The following SFRP1 variants were observed in gnomAD, a reference collection of about 807,000 sequenced individuals.
The protein encoded by SFRP1 is secreted frizzled related protein 1.
In SFRP1, 9 loss-of-function variants were observed where a neutral mutation model predicts 25.9. That is an observed-to-expected ratio of 0.35 (90% CI 0.21 to 0.61). The LOEUF is 0.61. Among genes scored for constraint, SFRP1 ranks in the 20% least tolerant of loss-of-function variants. The pLI, the probability that SFRP1 is intolerant of heterozygous loss-of-function variation, is 0.78. For synonymous variants in SFRP1, 178 were observed against 174.0 expected (o/e 1.02, Z -0.18); for missense variants, 346 against 418.2 (o/e 0.83, Z 1.51).
intron 2 of SFRP1, among the ~76,000 whole-genome samples, chr8:41,294,267 C>A (rs1030279608): frequency 6.6e-6 from 1 of 152,142 alleles, no homozygotes; most frequent in African/African-American, 2.4e-5. Context: ...GTGCCACCGA[C>A]ATATAGTTGG....
intron 2 of SFRP1, among the ~76,000 whole-genome samples, chr8:41,270,721 C>T (rs1382025991): frequency 6.6e-6 from 1 of 151,078 alleles, no homozygotes; most frequent in East Asian, 1.9e-4. Context: ...ACTTGGGAGG[C>T]TGGAGGTAGG....
intron 2 of SFRP1, among the ~76,000 whole-genome samples, chr8:41,274,537 C>T (rs59772399): frequency 0.33 from 50,700 of 152,000 alleles, 8,887 homozygotes; most frequent in Non-Finnish European, 0.38. Flanking sequence ...AAAGACAGTG[C>T]AAGAGAGATA....
intron 2 of SFRP1, among the ~76,000 whole-genome samples, chr8:41,301,821 G>T (rs1335525960): frequency 6.6e-6 from 1 of 152,140 alleles, no homozygotes; most frequent in East Asian, 1.9e-4. Context: ...ACTGGTTATC[G>T]ACATGAGATC....
chr8:41,307,132 G>T, intron 1 of SFRP1: 2 of 838,166 alleles, frequency 2.4e-6, no homozygotes, highest in African/African-American at 1.7e-5. Flanking sequence ...GGCTGCAGGG[G>T]ATGGGTGCAA....
chr8:41,277,307 C>A (rs1803583696), intron 2 of SFRP1, among the ~76,000 whole-genome samples: 1 of 150,294 alleles, frequency 6.7e-6, no homozygotes, highest in Non-Finnish European at 1.5e-5. Flanking sequence ...TTGATTGAAT[C>A]TTGGCTCTGA....
intron 2 of SFRP1, among the ~76,000 whole-genome samples, chr8:41,280,143 G>A (rs1336815395): frequency 2.6e-5 from 4 of 152,202 alleles, no homozygotes; most frequent in African/African-American, 7.2e-5. Context: ...CCAAGTCCAG[G>A]GGAGTGCAGG....
At chr8:41,286,020 C>CG (rs1287384550) in intron 2 of SFRP1, among the ~76,000 whole-genome samples, 2 of 24,980 alleles carry the variant, frequency 8.0e-5, no homozygotes, top group Non-Finnish European at 1.7e-4. Context: ...TGGAACTGGG[C>CG]GGGGGGAGGG....
At chr8:41,286,035 G>T (rs1413129480) in intron 2 of SFRP1, among the ~76,000 whole-genome samples, 1 of 148,140 alleles carries the variant, frequency 6.8e-6, no homozygotes, top group Non-Finnish European at 1.5e-5. Flanking sequence ...GGAGGGGGTG[G>T]GTGGGTAAAG....
intron 2 of SFRP1, among the ~76,000 whole-genome samples, chr8:41,286,253 C>T (rs1342711185): frequency 6.6e-6 from 1 of 152,152 alleles, no homozygotes; most frequent in East Asian, 1.9e-4. Context: ...AGTCTGTAAG[C>T]GAAGAAGCCT....
At chr8:41,305,498 G>C (rs1803983918) in intron 1 of SFRP1, among the ~76,000 whole-genome samples, 1 of 152,120 alleles carries the variant, frequency 6.6e-6, no homozygotes, top group Non-Finnish European at 1.5e-5. Flanking sequence ...GCTGACTCTG[G>C]AGCAGCCTGA....
chr8:41,280,754 G>A (rs573492566), intron 2 of SFRP1, among the ~76,000 whole-genome samples: 1 of 152,190 alleles, frequency 6.6e-6, no homozygotes, highest in Non-Finnish European at 1.5e-5. Flanking sequence ...GGGACAAACA[G>A]CCCCAGCCCT....
In SFRP1 at chr8:41,309,002, G is replaced by C. The variant is rs1451181965; in HGVS notation, c.158C>G (p.Thr53Ser). 1.9e-6 allele frequency: 3 copies of C among 1,612,488 alleles called. No homozygotes were observed. In the African/African-American group the frequency reaches 4.0e-5, roughly 21 times the overall value. ...IGPYQSGRFYTKPPQCVDIPA... is the reference protein window; with the variant it reads ...IGPYQSGRFYSKPPQCVDIPA... ...GATGTCCACGCACTGAGGTGGCTTG[G>C]TGTAGAAGCGCCCGCTCTGGTACGG... Residue 53 changes from threonine (T) to serine (S), a missense_variant, in exon 1 of 3, where the codon ACC becomes AGC. Physicochemically the swap from Thr to Ser is moderately conservative, Grantham distance 58 (BLOSUM62 1). Transcript: ENST00000220772.
At chr8:41,265,829 C>G (rs1416588836) in intron 2 of SFRP1, among the ~76,000 whole-genome samples, 2 of 152,152 alleles carry the variant, frequency 1.3e-5, no homozygotes, top group East Asian at 3.9e-4. Flanking sequence ...CCCAAGTGTA[C>G]AGCTGAGGTG....
chr8:41,302,105 C>G (rs956001824), intron 2 of SFRP1, among the ~76,000 whole-genome samples: 3 of 152,216 alleles, frequency 2.0e-5, no homozygotes, highest in African/African-American at 7.2e-5. Flanking sequence ...CAATCTGTAT[C>G]TATAGAACTC....
chr8:41,283,326 C>G (rs539348171), intron 2 of SFRP1, among the ~76,000 whole-genome samples: 34 of 152,260 alleles, frequency 2.2e-4, no homozygotes, highest in African/African-American at 8.2e-4. Flanking sequence ...GATCTTTAGG[C>G]CTTGTCCTGC....
rs2117527021 is a variant in SFRP1 at position 41,309,214 on chromosome 8, G to C, written c.-55C>G. 7.9e-7 allele frequency: 1 copy of C among 1,266,492 alleles called. No individual in the cohort carries two copies. The highest frequency in any genetic ancestry group is 3.3e-5 in the East Asian group (1 of 30,710). 78.5% of individuals were successfully genotyped at this position (1,266,492 alleles called of 1,614,324 possible). A position where few individuals can be genotyped will look rare whatever the true frequency, so the allele number is the denominator to read the frequency against. ...TCGGGGCTGCCTCCGCCGCCTCCCC[G>C]CGCGCGTCCTGCCGCAAACTTCCAG... On this transcript the variant is annotated 5_prime_UTR_variant, in exon 1 of 3. Transcript: ENST00000220772.
intron 2 of SFRP1, among the ~76,000 whole-genome samples, chr8:41,276,540 C>A (rs1220859511): frequency 6.6e-6 from 1 of 152,174 alleles, no homozygotes; most frequent in Non-Finnish European, 1.5e-5. Flanking sequence ...GGGGCTTGTG[C>A]TTTGTCACAA....
chr8:41,265,488 T>C lies in SFRP1; in HGVS notation c.624A>G (p.Ala208=). 1 of 1,601,226 alleles carries C rather than the reference T, an allele frequency of 6.2e-7. No individual in the cohort carries two copies. The highest frequency in any genetic ancestry group is 8.5e-7 in the Non-Finnish European group (1 of 1,176,026). The change falls in exon 3 of 3, where the codon GCA becomes GCG. Residue 208 remains alanine, a splice_region_variant and synonymous_variant. Transcript: ENST00000220772. ...IIEHLCASEF[A]LRMKIKEVKK... ...TCACTTCTTTTATTTTCATCCTCAG[T>C]GCTAGAGATGGAGAGGACAGAAGAA...
intron 2 of SFRP1, among the ~76,000 whole-genome samples, chr8:41,266,056 C>T (rs1351397855): frequency 6.6e-6 from 1 of 152,028 alleles, no homozygotes; most frequent in African/African-American, 2.4e-5. Context: ...ATCCCAGCTA[C>T]TAAGGAGGCT....
Sources: allele counts gnomAD v4.1 joint callset (sites outside exome capture counted in the v4.1 genomes callset), GRCh38; gene constraint gnomAD v4.1.1; transcripts MANE v1.5; gene names NCBI Gene and HGNC (gene_info 2026-07-23, HGNC 2026-07-21).